MYH16: variants seen among roughly 807,000 people sequenced by gnomAD.
The protein encoded by MYH16 is putative uncharacterized protein MYH16.
chr7:99,275,491 C>T (rs2065707468), intron 20 of MYH16, among the ~76,000 whole-genome samples: 1 of 152,176 alleles, frequency 6.6e-6, no homozygotes, highest in African/African-American at 2.4e-5. Context: ...ATGTTACCCA[C>T]AAAATTGTGG....
At chr7:99,271,350 A>C (rs1792043740) in intron 19 of MYH16, among the ~76,000 whole-genome samples, 1 of 152,196 alleles carries the variant, frequency 6.6e-6, no homozygotes, top group Admixed American at 6.5e-5. Flanking sequence ...CTCTACAAAA[A>C]ATACAAAAAT....
rs1284653776 is a variant in MYH16, at chr7:99,292,302, G to A, written n.3953-10G>A. 1 of 454,940 alleles carries A rather than the reference G, an allele frequency of 2.2e-6. No homozygotes were observed. The highest frequency in any genetic ancestry group is 4.4e-6 in the Non-Finnish European group (1 of 225,820). 28.2% of individuals were successfully genotyped at this position (454,940 alleles called of 1,614,324 possible). On this transcript the variant is annotated splice_polypyrimidine_tract_variant and intron_variant and non_coding_transcript_variant, in intron 31 of 41. Transcript: ENST00000439784. ...GCCCCCACGGGCGCCTGACAGGCTG[G>A]TCCCCACAGTCTCGCAGCACCGCCG...
intron 39 of MYH16, among the ~76,000 whole-genome samples, chr7:99,303,864 G>A (rs991037895): frequency 6.6e-6 from 1 of 152,186 alleles, no homozygotes; most frequent in African/African-American, 2.4e-5. Context: ...GCTAGTAAAA[G>A]GAAGATGGAT....
rs559760801 is a variant in MYH16 at position 99,248,673 on chromosome 7, T to A, written n.512-318T>A. On this transcript the variant is annotated intron_variant and non_coding_transcript_variant, in intron 3 of 41. Transcript: ENST00000439784. ...ATGCTGGGATTACAGGCATGAGTCA[T>A]GCTGTCCAGCCCTCTGTGATTTTTG... is the stretch of plus-strand genomic sequence containing the variant. 7.5e-4 allele frequency among the ~76,000 whole-genome samples: 115 copies of A among 152,354 alleles called. 1 individual carries two copies. The highest frequency in any genetic ancestry group is 2.7e-3 in the African/African-American group (111 of 41,588).
rs1319261603 is a variant in MYH16 at position 99,299,463 on chromosome 7, CA to C, written n.4741-2del. 6.5e-6 allele frequency: 1 copy of C among 152,826 alleles called. No homozygotes were observed. The highest frequency in any genetic ancestry group is 1.5e-5 in the Non-Finnish European group (1 of 68,056). The allele number at this position is 152,826 out of a possible 1,614,324, so 9.5% of individuals were successfully genotyped here. On this transcript the variant is annotated splice_acceptor_variant and non_coding_transcript_variant, in intron 36 of 41. Coordinates refer to ENST00000439784, the Ensembl canonical transcript of MYH16. The stretch of plus-strand genomic sequence containing the variant: ...CCAAGGTCTTCTCTGCTTGGACTTA[CA>C]GGAAGAACCACCAGCGGGCAATCGA...
chr7:99,302,894 A>C (rs1383402099), intron 38 of MYH16, among the ~76,000 whole-genome samples, 171 bp from the exon 20 acceptor site: 1 of 149,580 alleles, frequency 6.7e-6, no homozygotes, highest in African/African-American at 2.5e-5. Context: ...AAAAAAAAAA[A>C]AGAAAAAAAA....
chr7:99,251,053 AG>A (rs1791803624), intron 5 of MYH16: 1 of 173,994 alleles, frequency 5.7e-6, no homozygotes, highest in African/African-American at 2.4e-5. Flanking sequence ...CCCAGGCAGC[AG>A]CCAACTGGTC....
downstream of MYH16, chr7:99,310,900 T>C (rs981754996): frequency 1.3e-5 from 2 of 152,128 alleles, no homozygotes; most frequent in African/African-American, 4.8e-5. Flanking sequence ...AGCTTGAGAA[T>C]GTAAAACCCG....
chr7:99,276,737 G>A (rs1053684318), intron 20 of MYH16, among the ~76,000 whole-genome samples: 35 of 152,326 alleles, frequency 2.3e-4, no homozygotes, highest in African/African-American at 6.3e-4. Flanking sequence ...AGGCCAAGTC[G>A]AGAGGTGTGA....
downstream of MYH16, among the ~76,000 whole-genome samples, chr7:99,308,232 T>G (rs1454971487): frequency 1.4e-5 from 2 of 140,388 alleles, no homozygotes; most frequent in African/African-American, 2.7e-5. Context: ...GAGGCACGAG[T>G]TGCAGTGAGC....
intron 38 of MYH16, among the ~76,000 whole-genome samples, chr7:99,302,725 T>A (rs914512357): frequency 2.0e-5 from 3 of 151,140 alleles, no homozygotes; most frequent in African/African-American, 7.3e-5. Context: ...TAAAAACATA[T>A]GAAAAATTAG....
chr7:99,242,922 G>A (rs1791681842), intron 1 of MYH16, among the ~76,000 whole-genome samples: 1 of 152,238 alleles, frequency 6.6e-6, no homozygotes, highest in African/African-American at 2.4e-5. Flanking sequence ...TCATCTATCA[G>A]GATGGATTTG....
intron 2 of MYH16, among the ~76,000 whole-genome samples, chr7:99,245,935 C>T (rs1345965990): frequency 6.6e-6 from 1 of 152,002 alleles, no homozygotes; most frequent in Non-Finnish European, 1.5e-5. Context: ...GGCGCAGTGG[C>T]TCATGCCTGT....
In MYH16 at chr7:99,279,666, G is replaced by T. The variant is rs1436220757; in HGVS notation, n.2816G>T. 4.4e-6 allele frequency: 2 copies of T among 456,642 alleles called. 1 individual carries two copies. Among genetic ancestry groups the T allele is most frequent in the South Asian group, 3.1e-5 (2 of 64,554 alleles). The allele number at this position is 456,642 out of a possible 1,614,324, so 28.3% of individuals were successfully genotyped here. On this transcript the variant is annotated non_coding_transcript_exon_variant, in exon 22 of 42. Transcript: ENST00000439784. ...TGCCGCCAAGCGCAAGTTGGAAGGG[G>T]AGCTGAGCGACCTGAAGCGGGACCT...
intron 8 of MYH16, chr7:99,254,337 G>A (rs994727555): frequency 9.9e-5 from 15 of 152,206 alleles, no homozygotes; most frequent in Admixed American, 2.6e-4. Flanking sequence ...CATCCTCATA[G>A]TAGCCAGATG....
chr7:99,299,074 AAAAAAT>A (rs1464335806), intron 36 of MYH16, among the ~76,000 whole-genome samples: 2 of 132,998 alleles, frequency 1.5e-5, no homozygotes, highest in Non-Finnish European at 3.0e-5. Context: ...AAAAAAAAAT[AAAAAAT>A]AAAAATAAAA....
chr7:99,277,041 C>CAG (rs759630486), intron 20 of MYH16, among the ~76,000 whole-genome samples: 14 of 115,378 alleles, frequency 1.2e-4, no homozygotes, highest in East Asian at 8.4e-4. Context: ...GAGAGAGACA[C>CAG]AGAGAGAGAG....
chr7:99,251,863 C>T (rs1406410132), intron 6 of MYH16, among the ~76,000 whole-genome samples: 1 of 152,094 alleles, frequency 6.6e-6, no homozygotes, highest in South Asian at 2.1e-4. Flanking sequence ...GTCCCAGCTA[C>T]TTAGGAGGCT....
chr7:99,257,836 G>A lies in MYH16; in HGVS notation n.1136-286G>A, dbSNP rs180719566. On this transcript the variant is annotated intron_variant and non_coding_transcript_variant, in intron 10 of 41. Transcript: ENST00000439784. ...TAATTTTTTAATTTTTTGTAGAAAC[G>A]GGGTCTTGCTATGTTGCCCAGGCTG... Among the ~76,000 whole-genome samples the A allele has an allele frequency of 5.3e-5, 8 of 152,066 alleles. No individual in the cohort carries two copies. In the East Asian group the frequency reaches 7.7e-4, roughly 15 times the overall value.
Sources: allele counts gnomAD v4.1 joint callset (sites outside exome capture counted in the v4.1 genomes callset), GRCh38; gene constraint gnomAD v4.1.1; transcripts MANE v1.5; gene names NCBI Gene and HGNC (gene_info 2026-07-23, HGNC 2026-07-21).